Variants in AGBL4 observed in about 807,000 individuals in gnomAD.
AGBL4 encodes cytosolic carboxypeptidase 6.
Under a neutral mutation model 66.4 loss-of-function variants are expected in AGBL4, and 58 were observed. The ratio of observed to expected loss-of-function variants is 0.87; its 90% CI spans 0.71 to 1.09. The LOEUF is 1.09. Ranked by LOEUF, AGBL4 falls within the 50% of genes least tolerant of loss-of-function variation. AGBL4 has a pLI of 0.00. For synonymous variants in AGBL4, 234 were observed against 222.9 expected (o/e 1.05, Z -0.44); for missense variants, 579 against 631.0 (o/e 0.92, Z 0.88).
intron 6 of AGBL4, among the ~76,000 whole-genome samples, chr1:48,853,221 G>A (rs1444263780): frequency 2.0e-5 from 3 of 152,016 alleles, no homozygotes; most frequent in Admixed American, 6.6e-5. Context: ...CCATCCATAG[G>A]AATGAGTCAT....
At chr1:49,310,429 A>T (rs1438482745) in intron 3 of AGBL4, among the ~76,000 whole-genome samples, 2 of 152,100 alleles carry the variant, frequency 1.3e-5, no homozygotes, top group Non-Finnish European at 2.9e-5. Context: ...CTAGGGAAGC[A>T]TCGGTGGAAA....
intron 11 of AGBL4, among the ~76,000 whole-genome samples, chr1:48,560,554 A>G (rs1644382245): frequency 6.6e-6 from 1 of 152,206 alleles, no homozygotes; most frequent in African/African-American, 2.4e-5. Context: ...GCCATATACT[A>G]TGTACTTGAA....
chr1:48,781,872 T>A (rs752281405), intron 6 of AGBL4, among the ~76,000 whole-genome samples: 7 of 152,240 alleles, frequency 4.6e-5, no homozygotes, highest in Admixed American at 6.5e-5. Flanking sequence ...CTGTCTCTCC[T>A]CATATGACCT....
chr1:49,096,490 CATGGAATACT>C (rs1186887995), intron 4 of AGBL4, among the ~76,000 whole-genome samples: 1 of 151,580 alleles, frequency 6.6e-6, no homozygotes, highest in African/African-American at 2.4e-5. Flanking sequence ...ACATATACAC[CATGGAATACT>C]ATGCAGCCAT....
At chr1:49,539,187 G>A (rs190345323) in intron 3 of AGBL4, among the ~76,000 whole-genome samples, 6 of 152,128 alleles carry the variant, frequency 3.9e-5, no homozygotes, top group African/African-American at 1.4e-4. Context: ...ACAGTATAAT[G>A]TCAGTTTTGT....
intron 1 of AGBL4, among the ~76,000 whole-genome samples, chr1:49,979,462 C>T (rs1269535365): frequency 3.4e-5 from 5 of 148,532 alleles, no homozygotes; most frequent in Non-Finnish European, 7.4e-5. Flanking sequence ...AGCGAGACTC[C>T]GCCTCAAAAA....
At chr1:49,413,026 G>A (rs892500393) in intron 3 of AGBL4, among the ~76,000 whole-genome samples, 1 of 152,116 alleles carries the variant, frequency 6.6e-6, no homozygotes, top group African/African-American at 2.4e-5. Context: ...TAATAGAATG[G>A]TGGAACTTGA....
At chr1:49,395,848 T>TAC (rs60839144) in intron 3 of AGBL4, among the ~76,000 whole-genome samples, 1 of 126,422 alleles carries the variant, frequency 7.9e-6, no homozygotes, top group Non-Finnish European at 1.6e-5. Flanking sequence ...TATATATATA[T>TAC]ACACACATAA....
chr1:49,725,748 G>A (rs950479949), intron 2 of AGBL4, among the ~76,000 whole-genome samples: 1 of 146,496 alleles, frequency 6.8e-6, no homozygotes, highest in Admixed American at 7.0e-5. Flanking sequence ...GCAGAGGCGC[G>A]ATCTTGGCTC....
At chr1:49,179,268 C>T (rs1260281101) in intron 4 of AGBL4, among the ~76,000 whole-genome samples, 2 of 151,858 alleles carry the variant, frequency 1.3e-5, no homozygotes, top group Non-Finnish European at 2.9e-5. Context: ...ACTTAAATAC[C>T]AGTGGAGATA....
At chr1:49,565,638 C>G (rs1434669685) in intron 3 of AGBL4, among the ~76,000 whole-genome samples, 3 of 152,336 alleles carry the variant, frequency 2.0e-5, no homozygotes, top group East Asian at 1.9e-4. Context: ...GGCCCCCACT[C>G]TCTTCTGGCT....
At chr1:48,711,233 C>A (rs575310823) in intron 6 of AGBL4, among the ~76,000 whole-genome samples, 65 of 152,274 alleles carry the variant, frequency 4.3e-4, no homozygotes, top group African/African-American at 1.5e-3. Context: ...CAGGGATCAG[C>A]AAAGGAGGAG....
At chr1:49,847,826 C>T (rs1646192536) in intron 2 of AGBL4, among the ~76,000 whole-genome samples, 1 of 152,014 alleles carries the variant, frequency 6.6e-6, no homozygotes, top group South Asian at 2.1e-4. Context: ...CTCAGTCTCC[C>T]GAGTAGCTGG....
chr1:48,987,106 T>C (rs1291957176), intron 5 of AGBL4, among the ~76,000 whole-genome samples: 1 of 151,320 alleles, frequency 6.6e-6, no homozygotes, highest in Non-Finnish European at 1.5e-5. Context: ...ACCATAAACA[T>C]ATTCAAAGAA....
intron 1 of AGBL4, among the ~76,000 whole-genome samples, chr1:49,943,175 C>T (rs569373990): frequency 6.6e-6 from 1 of 152,076 alleles, no homozygotes; most frequent in East Asian, 1.9e-4. Context: ...ACAAGTGTCG[C>T]CAAAAATGTG....
chr1:49,948,052 A>G (rs1267024574), intron 1 of AGBL4, among the ~76,000 whole-genome samples: 312 of 1,308 alleles, frequency 0.24, 13 homozygotes, highest in East Asian at 0.51. Context: ...AAATATATAA[A>G]TATATATATG....
At position 49,874,334 on chromosome 1, in the gene AGBL4, G is replaced by A. The variant is rs1285321448; in HGVS notation, c.35-22816C>T. Reference sequence around the variant, plus strand: ...AAGTCTAAACCATAAAAGAAGTGGAGGTTGTCAACTGGGAGGAGAAAAAAG... The same window carrying A: ...AAGTCTAAACCATAAAAGAAGTGGAAGTTGTCAACTGGGAGGAGAAAAAAG... On this transcript the variant is annotated intron_variant, in intron 1 of 13. Coordinates refer to ENST00000371839, the MANE Select transcript of AGBL4 (RefSeq NM_032785.4). Among the ~76,000 whole-genome samples the A allele has an allele frequency of 2.0e-5, 3 of 152,036 alleles. No homozygotes were observed. The East Asian group carries it at 5.8e-4, about 29-fold the overall frequency.
At chr1:49,254,084 G>A (rs966600341) in intron 3 of AGBL4, among the ~76,000 whole-genome samples, 4 of 152,298 alleles carry the variant, frequency 2.6e-5, no homozygotes, top group East Asian at 3.9e-4. Flanking sequence ...AAAGCTGGAA[G>A]CATTTCCCTT....
chr1:49,344,094 A>T (rs1645592732), intron 3 of AGBL4, among the ~76,000 whole-genome samples: 1 of 152,200 alleles, frequency 6.6e-6, no homozygotes, highest in Non-Finnish European at 1.5e-5. Context: ...CTTCCTGGCT[A>T]TGCTGGAAAG....
Sources: gnomAD v4.1 joint callset for allele counts (sites outside exome capture counted in the v4.1 genomes callset) on GRCh38, gnomAD v4.1.1 for gene constraint, MANE v1.5 for transcripts, NCBI Gene and HGNC (gene_info 2026-07-23, HGNC 2026-07-21) for gene names.